Variants in RGPD2 observed in about 807,000 individuals in gnomAD.
The protein encoded by RGPD2 is RANBP2-like and GRIP domain-containing protein 2.
RGPD2 carries 2 observed loss-of-function variants against 36.0 expected under a neutral mutation model. That is an observed-to-expected ratio of 0.06 (90% CI 0.02 to 0.17). The LOEUF (loss-of-function observed/expected upper bound fraction) is 0.17. RGPD2 is among the 10% of genes least tolerant of loss of function. The pLI, the probability that RGPD2 is intolerant of heterozygous loss-of-function variation, is 1.00. For synonymous variants in RGPD2, 19 were observed against 163.8 expected (o/e 0.12, Z 6.75); for missense variants, 40 against 464.3 (o/e 0.09, Z 8.40).
chr2:87,879,365 T>A, the RGPD2 span, among the ~76,000 whole-genome samples: 4 of 152,166 alleles, frequency 2.6e-5, no homozygotes, highest in Non-Finnish European at 5.9e-5. Context: ...TCATGCCGTT[T>A]TCCTGTCAAA....
chr2:87,919,669 G>A, the RGPD2 span, among the ~76,000 whole-genome samples: 147 of 142,758 alleles, frequency 1.0e-3, 6 homozygotes, highest in African/African-American at 3.9e-3. Flanking sequence ...TTTTGTTTTT[G>A]TAGCATATAT....
chr2:87,861,168 CA>C, the RGPD2 span, among the ~76,000 whole-genome samples: 1 of 136,330 alleles, frequency 7.3e-6, no homozygotes, highest in Non-Finnish European at 1.6e-5. Flanking sequence ...TGAAAATTAA[CA>C]ATGGCTATCT....
the RGPD2 span, among the ~76,000 whole-genome samples, chr2:87,967,572 C>A: frequency 6.7e-6 from 1 of 149,328 alleles, no homozygotes; most frequent in African/African-American, 2.6e-5. Context: ...GTATGTTTGA[C>A]ATCATGAAGA....
the RGPD2 span, among the ~76,000 whole-genome samples, chr2:87,832,109 A>C: frequency 2.0e-5 from 3 of 148,070 alleles, no homozygotes; most frequent in African/African-American, 7.6e-5. Flanking sequence ...GGTTGATTAT[A>C]ATAACTAGGA....
chr2:87,885,921 A>G, the RGPD2 span, among the ~76,000 whole-genome samples: 241 of 152,176 alleles, frequency 1.6e-3, 1 homozygote, highest in African/African-American at 5.2e-3. Context: ...CTCATCACAG[A>G]TGATTTTTTA....
chr2:87,824,714 G>GGCCGCCGCCGCCGCCGCC (rs1163205537), intron 1 of RGPD2, among the ~76,000 whole-genome samples: 7 of 78,548 alleles, frequency 8.9e-5, no homozygotes, highest in Non-Finnish European at 1.5e-4. Flanking sequence ...CCGAGGCCGA[G>GGCCGCCGCCGCCGCCGCC]GCCGCCGCCG....
upstream of RGPD2, among the ~76,000 whole-genome samples, chr2:87,829,863 AAC>A (rs1686930365): frequency 7.5e-6 from 1 of 133,594 alleles, no homozygotes; most frequent in Non-Finnish European, 1.6e-5. Context: ...CACATTTCAA[AAC>A]ACAATCATGC....
the RGPD2 span, among the ~76,000 whole-genome samples, chr2:87,988,547 T>TTTTTTTGTTTTG: frequency 3.0e-5 from 1 of 33,078 alleles, no homozygotes; most frequent in African/African-American, 5.0e-5. Flanking sequence ...ATATATTTTT[T>TTTTTTTGTTTTG]TTTTTTCTTT....
At chr2:87,805,859 CAAA>C (rs553054856) in intron 7 of RGPD2, among the ~76,000 whole-genome samples, 1 of 91,200 alleles carries the variant, frequency 1.1e-5, no homozygotes, top group South Asian at 3.7e-4. Context: ...GACTCCGTCT[CAAA>C]AAAAAAAAAA....
At chr2:87,805,460 A>ATTTTTTTTT (rs1685906410) in intron 7 of RGPD2, among the ~76,000 whole-genome samples, 1 of 122,692 alleles carries the variant, frequency 8.2e-6, no homozygotes, top group Non-Finnish European at 1.8e-5. Flanking sequence ...TTCCCTCCCC[A>ATTTTTTTTT]AGCAAAAAAT....
chr2:87,837,052 C>T, the RGPD2 span, among the ~76,000 whole-genome samples: 15 of 152,108 alleles, frequency 9.9e-5, no homozygotes, highest in East Asian at 2.9e-3. Context: ...TATATGGACC[C>T]AATACAGGAG....
the RGPD2 span, among the ~76,000 whole-genome samples, chr2:87,905,132 C>T: frequency 6.6e-6 from 1 of 152,146 alleles, no homozygotes; most frequent in African/African-American, 2.4e-5. Context: ...AGAGATCTCA[C>T]AGTCATAGGC....
chr2:87,882,416 C>G, the RGPD2 span, among the ~76,000 whole-genome samples: 2 of 152,236 alleles, frequency 1.3e-5, no homozygotes, highest in Non-Finnish European at 2.9e-5. Context: ...ACTAGTTACG[C>G]AGGGTTATTT....
chr2:87,976,351 G>GA, the RGPD2 span, among the ~76,000 whole-genome samples: 64 of 152,186 alleles, frequency 4.2e-4, no homozygotes, highest in Non-Finnish European at 7.2e-4. Flanking sequence ...TTTCACAAAT[G>GA]AAAAAAATCA....
chr2:87,857,748 C>A, the RGPD2 span, among the ~76,000 whole-genome samples: 2 of 148,680 alleles, frequency 1.3e-5, no homozygotes, highest in Non-Finnish European at 3.0e-5. Flanking sequence ...ACCATCCTGG[C>A]CAACACGGTG....
the RGPD2 span, among the ~76,000 whole-genome samples, chr2:87,916,164 CA>C: frequency 0.017 from 2,600 of 151,842 alleles, 10 homozygotes; most frequent in Non-Finnish European, 0.019. Context: ...ATCATCGAGA[CA>C]AGCTTTTACT....
upstream of RGPD2, chr2:87,825,910 C>T (rs1395911515): frequency 1.3e-6 from 1 of 757,090 alleles, no homozygotes; most frequent in African/African-American, 1.8e-5. Flanking sequence ...GAGCTGCACT[C>T]GGCCGGGCTC....
upstream of RGPD2, among the ~76,000 whole-genome samples, chr2:87,829,427 A>G (rs1222624959): frequency 6.6e-6 from 1 of 150,632 alleles, no homozygotes; most frequent in African/African-American, 2.4e-5. Flanking sequence ...AATAAAAAAG[A>G]CAATGTAAAC....
At chr2:87,834,297 A>G in the RGPD2 span, among the ~76,000 whole-genome samples, 4 of 152,056 alleles carry the variant, frequency 2.6e-5, no homozygotes, top group African/African-American at 4.8e-5. Context: ...GGGGAAGAAG[A>G]AAAAGGTATC....
Sources: allele counts gnomAD v4.1 joint callset (sites outside exome capture counted in the v4.1 genomes callset), GRCh38; gene constraint gnomAD v4.1.1; transcripts MANE v1.5; gene names NCBI Gene and HGNC (gene_info 2026-07-23, HGNC 2026-07-21).